Variants in STON2 observed in about 807,000 individuals in gnomAD.
STON2 encodes the protein stonin 2.
In STON2, 29 loss-of-function variants were observed where a neutral mutation model predicts 65.7. The observed-to-expected ratio is 0.44, with a 90% confidence interval of 0.33 to 0.60. The LOEUF (loss-of-function observed/expected upper bound fraction) is 0.60. Ranked by LOEUF, STON2 falls within the 20% of genes least tolerant of loss-of-function variation. The pLI, the probability that STON2 is intolerant of heterozygous loss-of-function variation, is 0.03. For missense variants in STON2, 1,054 were observed against 1,118.1 expected (o/e 0.94, Z 0.82); for synonymous variants, 404 against 414.2 (o/e 0.98, Z 0.30).
chr14:81,268,332 TACTCAGGAAGACACCCTATCATG>T lies in STON2; in HGVS notation c.*59_*81del, dbSNP rs1037159702. The T allele has an allele frequency of 7.0e-5, 89 of 1,270,710 alleles. No individual in the cohort carries two copies. In the African/African-American group the frequency reaches 1.1e-3, roughly 15 times the overall value. 78.7% of individuals were successfully genotyped at this position (1,270,710 alleles called of 1,614,324 possible). ...AGCAGGTATTGACTGCAACTTCAGC[TACTCAGGAAGACACCCTATCATG>T]ACTCAGGAAGACACCCTATCATGAC... is the stretch of plus-strand genomic sequence containing the variant. On this transcript the variant is annotated 3_prime_UTR_variant, in exon 8 of 8. Transcript: ENST00000614646.
chr14:81,315,197 A>G (rs527360108), intron 5 of STON2, among the ~76,000 whole-genome samples: 1 of 152,356 alleles, frequency 6.6e-6, no homozygotes, highest in South Asian at 2.1e-4. Flanking sequence ...CAATAATAGT[A>G]AGAGAAAGTT....
At chr14:81,327,797 T>C (rs773535488) in intron 4 of STON2, among the ~76,000 whole-genome samples, 17 of 152,210 alleles carry the variant, frequency 1.1e-4, no homozygotes, top group South Asian at 8.3e-4. Context: ...ACTGAGATTA[T>C]TAGTAGTATT....
At chr14:81,359,892 A>C (rs572781457) in intron 4 of STON2, among the ~76,000 whole-genome samples, 1 of 152,248 alleles carries the variant, frequency 6.6e-6, no homozygotes, top group African/African-American at 2.4e-5. Context: ...AACAAACAAA[A>C]AACTTCCATC....
chr14:81,344,508 C>T (rs1294163261), intron 4 of STON2, among the ~76,000 whole-genome samples: 1 of 152,196 alleles, frequency 6.6e-6, no homozygotes, highest in East Asian at 1.9e-4. Context: ...TCCATGACTG[C>T]ATAGTATTCC....
rs185426783 is a variant in STON2 at position 81,265,085 on chromosome 14, A to T, written c.*3329T>A. 2.0e-3 allele frequency: 1,932 copies of T among 985,134 alleles called. 2 individuals are homozygous for T. The highest frequency in any genetic ancestry group is 2.6e-3 in the Middle Eastern group (5 of 1,912). The allele number at this position is 985,134 out of a possible 1,614,324, so 61.0% of individuals were successfully genotyped here. ...AAGATTATTTGTGACCACAAAAAAA[A>T]AAAATAAAAAGTCCAGGTCCAGGGT... is the stretch of plus-strand genomic sequence containing the variant. On this transcript the variant is annotated 3_prime_UTR_variant, in exon 8 of 8. Coordinates refer to ENST00000614646, the MANE Select transcript of STON2 (RefSeq NM_001394390.1).
In STON2 at chr14:81,359,004, A is replaced by C. The variant is rs184856845; in HGVS notation, c.571+11984T>G. On this transcript the variant is annotated intron_variant, in intron 4 of 7. Transcript: ENST00000614646. ...TAACCAGACAGAAAAGTAATAAGGA[A>C]ACATTGGACTTGAACAACACTTTAG... Among the ~76,000 whole-genome samples, 13 of 152,314 alleles carry C rather than the reference A, an allele frequency of 8.5e-5. 1 individual carries two copies. Among genetic ancestry groups the C allele is most frequent in the African/African-American group, 3.1e-4 (13 of 41,586 alleles).
intron 5 of STON2, among the ~76,000 whole-genome samples, chr14:81,315,977 T>C (rs1476358443): frequency 2.0e-5 from 3 of 152,204 alleles, no homozygotes; most frequent in African/African-American, 4.8e-5. Flanking sequence ...CCCTATATTT[T>C]CTGGGCCATT....
At position 81,267,180 on chromosome 14, in the gene STON2, C is replaced by T. The variant is rs1595262591; in HGVS notation, c.*1234G>A. ...AATAAGAAGCAGAGGTGAGTAGGAA[C>T]GGATGAAGGAAAAGAAGATTAATTG... On this transcript the variant is annotated 3_prime_UTR_variant, in exon 8 of 8. Transcript: ENST00000614646. 6 of 985,108 alleles carry T rather than the reference C, an allele frequency of 6.1e-6. No individual in the cohort carries two copies. Among genetic ancestry groups the T allele is most frequent in the South Asian group, 9.4e-5 (2 of 21,274 alleles). The allele number at this position is 985,108 out of a possible 1,614,324, so 61.0% of individuals were successfully genotyped here. A position where few individuals can be genotyped will look rare whatever the true frequency, so the allele number is the denominator to read the frequency against.
At chr14:81,332,349 T>C (rs1313856147) in intron 4 of STON2, among the ~76,000 whole-genome samples, 2 of 152,224 alleles carry the variant, frequency 1.3e-5, no homozygotes, top group Non-Finnish European at 2.9e-5. Context: ...ATCACATAAA[T>C]GACACACAAG....
intron 3 of STON2, among the ~76,000 whole-genome samples, chr14:81,386,037 C>T (rs1036724124): frequency 2.2e-4 from 34 of 152,184 alleles, no homozygotes; most frequent in African/African-American, 7.9e-4. Flanking sequence ...AGTGAACTGG[C>T]CTGGAACGGC....
chr14:81,267,459 T>A lies in STON2; in HGVS notation c.*955A>T. On this transcript the variant is annotated 3_prime_UTR_variant, in exon 8 of 8. Transcript: ENST00000614646. ...CCTATAAAGTTGGGTTAAAGGGACATGCAACTGTCTATTGGTCATGAGGTA... is the reference window on the plus strand; with the variant it reads ...CCTATAAAGTTGGGTTAAAGGGACAAGCAACTGTCTATTGGTCATGAGGTA... 1.0e-6 allele frequency: 1 copy of A among 985,292 alleles called. No homozygotes were observed. Among genetic ancestry groups the A allele is most frequent in the Non-Finnish European group, 1.2e-6 (1 of 829,828 alleles). 61.0% of individuals were successfully genotyped at this position (985,292 alleles called of 1,614,324 possible). A position where few individuals can be genotyped will look rare whatever the true frequency, so the allele number is the denominator to read the frequency against.
intron 5 of STON2, among the ~76,000 whole-genome samples, 71 bp downstream of exon 5, chr14:81,323,946 C>G (rs1384171286): frequency 6.6e-6 from 1 of 152,026 alleles, no homozygotes; most frequent in Non-Finnish European, 1.5e-5. Context: ...CATCTAAACA[C>G]AATCAAAAAG....
At chr14:81,315,246 C>A (rs1408563132) in intron 5 of STON2, among the ~76,000 whole-genome samples, 2 of 152,182 alleles carry the variant, frequency 1.3e-5, no homozygotes, top group African/African-American at 2.4e-5. Flanking sequence ...AGAAGAGAGG[C>A]CTCGTTTAGA....
At chr14:81,307,232 T>C (rs1896218168) in intron 5 of STON2, among the ~76,000 whole-genome samples, 1 of 152,272 alleles carries the variant, frequency 6.6e-6, no homozygotes, top group South Asian at 2.1e-4. Flanking sequence ...CAGATTGCAC[T>C]GATGCAATTA....
intron 1 of STON2, among the ~76,000 whole-genome samples, chr14:81,431,476 A>C (rs1175800386): frequency 2.6e-5 from 4 of 152,086 alleles, no homozygotes; most frequent in African/African-American, 9.7e-5. Flanking sequence ...CATCTCTACT[A>C]AAAATAGAAA....
chr14:81,295,470 A>T (rs1047313691), intron 5 of STON2, among the ~76,000 whole-genome samples: 2 of 152,242 alleles, frequency 1.3e-5, no homozygotes, highest in African/African-American at 4.8e-5. Flanking sequence ...TATCAGATGA[A>T]AGAGGTCATG....
intron 5 of STON2, among the ~76,000 whole-genome samples, chr14:81,288,392 T>A (rs1278735527): frequency 1.3e-5 from 2 of 152,208 alleles, no homozygotes; most frequent in African/African-American, 4.8e-5. Context: ...TATAACCTAC[T>A]ATACTCCGAG....
At chr14:81,287,687 T>A (rs547458525) in intron 5 of STON2, among the ~76,000 whole-genome samples, 1 of 152,288 alleles carries the variant, frequency 6.6e-6, no homozygotes, top group African/African-American at 2.4e-5. Context: ...GTTGGTGGGG[T>A]ACAGCCTCAC....
chr14:81,351,163 T>C (rs1898007138), intron 4 of STON2, among the ~76,000 whole-genome samples: 1 of 150,752 alleles, frequency 6.6e-6, no homozygotes, highest in Admixed American at 6.7e-5. Flanking sequence ...CTAAGGTATT[T>C]TGAGGTAAGC....
Sources: gnomAD v4.1 joint callset for allele counts (sites outside exome capture counted in the v4.1 genomes callset) on GRCh38, gnomAD v4.1.1 for gene constraint, MANE v1.5 for transcripts, NCBI Gene and HGNC (gene_info 2026-07-23, HGNC 2026-07-21) for gene names.